PDE4D: variants seen among roughly 807,000 people sequenced by gnomAD.
PDE4D encodes 3',5'-cyclic-AMP phosphodiesterase 4D.
A neutral mutation model predicts 87.4 loss-of-function variants in PDE4D; 24 were observed. That is an observed-to-expected ratio of 0.27 (90% confidence interval 0.20 to 0.39). PDE4D has a LOEUF of 0.39. Ranked by LOEUF, PDE4D falls within the 10% of genes least tolerant of loss-of-function variation. The pLI is 1.00. For synonymous variants in PDE4D, 384 were observed against 383.2 expected, an observed-to-expected ratio of 1.00 and a Z score of -0.02; for missense variants, 714 against 1,041.0, an observed-to-expected ratio of 0.69 and a Z score of 4.32.
At chr5:59,144,148 G>A (rs1778291117) in intron 5 of PDE4D, among the ~76,000 whole-genome samples, 1 of 152,128 alleles carries the variant, frequency 6.6e-6, no homozygotes, top group African/African-American at 2.4e-5. Flanking sequence ...ATTTTCTATT[G>A]TTAAAGAGAA....
intron 1 of PDE4D, among the ~76,000 whole-genome samples, chr5:60,335,734 T>A (rs1424217562): frequency 6.6e-6 from 1 of 152,130 alleles, no homozygotes; most frequent in Non-Finnish European, 1.5e-5. Context: ...GTAAGTCTTT[T>A]AATGTGGGGC....
At chr5:59,326,993 G>A (rs1775789531) in intron 1 of PDE4D, among the ~76,000 whole-genome samples, 1 of 152,030 alleles carries the variant, frequency 6.6e-6, no homozygotes, top group African/African-American at 2.4e-5. Flanking sequence ...TCCTGTGAGA[G>A]GAGGTAATTT....
chr5:59,394,209 C>T (rs381755), intron 1 of PDE4D, among the ~76,000 whole-genome samples: 61,566 of 151,960 alleles, frequency 0.41, 12,619 homozygotes, highest in East Asian at 0.49. Flanking sequence ...TCTGTCTCAT[C>T]GGCAAGCCTG....
intron 5 of PDE4D, among the ~76,000 whole-genome samples, chr5:59,144,885 T>G (rs1778374732): frequency 3.6e-5 from 1 of 27,642 alleles, no homozygotes; most frequent in Non-Finnish European, 6.9e-5. Flanking sequence ...TTTAATAGGG[T>G]TTAATGGGGG....
intron 1 of PDE4D, among the ~76,000 whole-genome samples, chr5:59,503,282 C>T (rs1808655478): frequency 1.3e-5 from 2 of 152,136 alleles, no homozygotes; most frequent in South Asian, 4.1e-4. Context: ...ATTACATCCT[C>T]AGAAACTTAT....
chr5:59,404,465 C>A (rs555871630), intron 1 of PDE4D, among the ~76,000 whole-genome samples: 8 of 151,906 alleles, frequency 5.3e-5, no homozygotes, highest in Non-Finnish European at 1.2e-4. Flanking sequence ...TGGAGACCAA[C>A]CTGGCCAACA....
intron 2 of PDE4D, among the ~76,000 whole-genome samples, chr5:60,128,402 T>C (rs1346635415): frequency 6.6e-6 from 1 of 152,182 alleles, no homozygotes; most frequent in Non-Finnish European, 1.5e-5. Flanking sequence ...CTAGACCACA[T>C]TTCTTTTGTA....
intron 5 of PDE4D, among the ~76,000 whole-genome samples, chr5:59,072,812 A>G (rs1161644180): frequency 6.6e-6 from 1 of 152,224 alleles, no homozygotes; most frequent in Non-Finnish European, 1.5e-5. Context: ...ACATTGAAAC[A>G]GTATTTTCCT....
intron 1 of PDE4D, among the ~76,000 whole-genome samples, chr5:60,267,564 C>A (rs1292881821): frequency 6.6e-6 from 1 of 152,118 alleles, no homozygotes; most frequent in Non-Finnish European, 1.5e-5. Context: ...AGACCACCAC[C>A]ACCTACTTCA....
chr5:60,065,191 G>A (rs1276997454), intron 2 of PDE4D, among the ~76,000 whole-genome samples: 1 of 151,902 alleles, frequency 6.6e-6, no homozygotes, highest in African/African-American at 2.4e-5. Flanking sequence ...TTAAGAAATC[G>A]GATATGCAAG....
At chr5:59,214,426 G>T (rs1026260485) in intron 2 of PDE4D, among the ~76,000 whole-genome samples, 20 of 152,062 alleles carry the variant, frequency 1.3e-4, no homozygotes, top group African/African-American at 4.8e-4. Flanking sequence ...TTTAGTAAAT[G>T]TTGTTCCCTT....
At chr5:59,736,771 T>A (rs1758129559) in intron 1 of PDE4D, among the ~76,000 whole-genome samples, 2 of 152,066 alleles carry the variant, frequency 1.3e-5, no homozygotes, top group Non-Finnish European at 2.9e-5. Context: ...TTAAAAGGTA[T>A]GTGCAATAAA....
At chr5:59,142,521 T>C (rs1039677734) in intron 5 of PDE4D, among the ~76,000 whole-genome samples, 1 of 152,266 alleles carries the variant, frequency 6.6e-6, no homozygotes, top group African/African-American at 2.4e-5. Context: ...CAAGCAATTA[T>C]TGATTGGCTT....
intron 5 of PDE4D, among the ~76,000 whole-genome samples, chr5:59,093,002 G>A (rs571655161): frequency 2.0e-4 from 31 of 152,220 alleles, no homozygotes; most frequent in Admixed American, 2.6e-4. Flanking sequence ...TGAAGTGAAA[G>A]TAAAGGAATA....
At position 59,134,464 on chromosome 5, in the gene PDE4D, G is replaced by C. The variant is rs867424138; in HGVS notation, c.808+46131C>G. 7.2e-5 allele frequency among the ~76,000 whole-genome samples: 11 copies of C among 152,074 alleles called. 1 individual carries two copies. The Middle Eastern group carries it at 0.014, about 188-fold the overall frequency. The stretch of plus-strand genomic sequence containing the variant: ...GGAACCACTTAATGCTATTTTATGA[G>C]AGAGAGACAGTTTTCTCTTTGAAAA... On this transcript the variant is annotated intron_variant, in intron 5 of 14. Coordinates refer to ENST00000340635, the MANE Select transcript of PDE4D (RefSeq NM_001104631.2).
At position 59,893,703 on chromosome 5, in the gene PDE4D, TGCTGCC is replaced by T; in HGVS notation, c.-87_-82del. On this transcript the variant is annotated 5_prime_UTR_variant, in exon 1 of 15. Coordinates refer to ENST00000340635, the MANE Select transcript of PDE4D (RefSeq NM_001104631.2). ...AGCGCCTTCCTGATGCTGCTGCTGC[TGCTGCC>T]GCCGCCGCCGCTTCTGCAGCCCAGC... 3 of 1,382,074 alleles carry T rather than the reference TGCTGCC, an allele frequency of 2.2e-6. No homozygotes were observed. Among genetic ancestry groups the T allele is most frequent in the Non-Finnish European group, 2.8e-6 (3 of 1,079,060 alleles). The allele number at this position is 1,382,074 out of a possible 1,614,324, so 85.6% of individuals were successfully genotyped here. A position where few individuals can be genotyped will look rare whatever the true frequency, so the allele number is the denominator to read the frequency against.
chr5:59,512,214 C>A (rs116553701), intron 1 of PDE4D, among the ~76,000 whole-genome samples: 5 of 152,140 alleles, frequency 3.3e-5, no homozygotes, highest in African/African-American at 7.2e-5. Context: ...TAAAAATATT[C>A]ATAGACTACA....
At chr5:59,662,789 G>A (rs1389925267) in intron 1 of PDE4D, among the ~76,000 whole-genome samples, 1 of 152,144 alleles carries the variant, frequency 6.6e-6, no homozygotes, top group Non-Finnish European at 1.5e-5. Flanking sequence ...AGATGAGAGT[G>A]GGTGAGAGTC....
intron 5 of PDE4D, among the ~76,000 whole-genome samples, chr5:59,110,891 A>G (rs527856853): frequency 2.6e-5 from 4 of 152,056 alleles, no homozygotes; most frequent in Non-Finnish European, 5.9e-5. Flanking sequence ...AAGAAAAGAA[A>G]ACTGAGGTTA....
Sources: allele counts gnomAD v4.1 joint callset (sites outside exome capture counted in the v4.1 genomes callset), GRCh38; gene constraint gnomAD v4.1.1; transcripts MANE v1.5; gene names NCBI Gene and HGNC (gene_info 2026-07-23, HGNC 2026-07-21).